Variants in ERBB3 observed in about 807,000 individuals in gnomAD.
The protein encoded by ERBB3 is receptor tyrosine-protein kinase erbB-3.
Under a neutral mutation model 156.7 loss-of-function variants are expected in ERBB3, and 96 were observed. The observed-to-expected ratio is 0.61, with a 90% confidence interval of 0.52 to 0.73. The LOEUF (loss-of-function observed/expected upper bound fraction) is 0.73, where lower values mean the gene tolerates loss of function less well. Ranked by LOEUF, ERBB3 falls within the 30% of genes least tolerant of loss-of-function variation. The pLI is 0.00. For missense variants in ERBB3, 1,406 were observed against 1,709.4 expected, an observed-to-expected ratio of 0.82 and a Z score of 3.13; for synonymous variants, 567 against 632.0, an observed-to-expected ratio of 0.90 and a Z score of 1.54.
rs1253475806 is a variant in ERBB3, at chr12:56,101,081, CA to C, written c.3223del (p.Ser1075ValfsTer27). 1.9e-6 allele frequency: 3 copies of C among 1,613,708 alleles called. No individual in the cohort carries two copies. The African/African-American group carries it at 4.0e-5, about 22-fold the overall frequency. On this transcript the variant is annotated frameshift_variant, in exon 27 of 28. Coordinates refer to ENST00000267101, the MANE Select transcript of ERBB3 (RefSeq NM_001982.4). LOFTEE classifies it high-confidence loss of function. Reference protein sequence around the residue: ...SCQESAVSGSSERCPRPVSLH... With the variant: ...SCQESAVSGSXERCPRPVSLH... ...CTTAGGAGTCTGCAGTTTCTGGGAG[CA>C]GTGAACGGTGCCCCCGTCCAGTCTC... is the stretch of plus-strand genomic sequence containing the variant.
At chr12:56,099,034 C>A in intron 23 of ERBB3, 129 bp downstream of exon 23, 1 of 844,290 alleles carries the variant, frequency 1.2e-6, no homozygotes, top group Non-Finnish European at 1.8e-6. Flanking sequence ...TCTTGGCTCA[C>A]TACAACCTCC....
At chr12:56,100,266 G>A (rs1436151385) in intron 26 of ERBB3, 21 bp downstream of exon 26, 1 of 1,593,692 alleles carries the variant, frequency 6.3e-7, no homozygotes. Flanking sequence ...TTGCTGAGAG[G>A]CTGGGTTTTA....
At chr12:56,096,187 A>G in intron 17 of ERBB3, 1 of 518,324 alleles carries the variant, frequency 1.9e-6, no homozygotes, top group Non-Finnish European at 3.5e-6. Context: ...TTTGGAAAGC[A>G]CAGAGCACTG....
chr12:56,094,156 A>G lies in ERBB3; in HGVS notation c.1671A>G (p.Gln557=), dbSNP rs1868815904. The change falls in exon 14 of 28, where the codon CAA becomes CAG. Residue 557 remains glutamine (Q), a synonymous_variant. Transcript: ENST00000267101. The stretch of plus-strand genomic sequence containing the variant: ...GCTTCTCCTGCCACCCGGAATGCCA[A>G]CCCATGGAGGGCACTGCCACATGCA... ...AECFSCHPEC[Q]PMEGTATCNG... is the part of the protein sequence containing the mutation. 1 of 1,614,040 alleles carries G rather than the reference A, an allele frequency of 6.2e-7. No homozygotes were observed. The highest frequency in any genetic ancestry group is 8.5e-7 in the Non-Finnish European group (1 of 1,179,980).
At chr12:56,098,471 C>T in intron 21 of ERBB3, 29 bp from the exon 22 acceptor site, 1 of 1,449,972 alleles carries the variant, frequency 6.9e-7, no homozygotes, top group East Asian at 2.3e-5. Flanking sequence ...TGGAAATAAA[C>T]TTGTGATACC....
Position 56,093,331 on chromosome 12 carries a change from C to G in ERBB3, c.1275-14C>G. On this transcript the variant is annotated splice_polypyrimidine_tract_variant and intron_variant, in intron 11 of 27. Coordinates refer to ENST00000267101, the MANE Select transcript of ERBB3 (RefSeq NM_001982.4). ...TTAGTAGTCTCTCCTCTCATCCTGTCTCCTTATTCTCAGCCGGGGCTTCTC... is the reference window on the plus strand; with the variant it reads ...TTAGTAGTCTCTCCTCTCATCCTGTGTCCTTATTCTCAGCCGGGGCTTCTC... The G allele has an allele frequency of 6.2e-7, 1 of 1,607,838 alleles. No individual in the cohort carries two copies. Among genetic ancestry groups the G allele is most frequent in the Non-Finnish European group, 8.5e-7 (1 of 1,174,552 alleles).
At chr12:56,093,295 T>C in intron 11 of ERBB3, 50 bp from the exon 12 acceptor site, 1 of 1,512,872 alleles carries the variant, frequency 6.6e-7, no homozygotes, top group Non-Finnish European at 9.2e-7. Context: ...CTTTGAATAG[T>C]TAATGTTCCC....
At chr12:56,087,353 C>T (rs1868519460) in intron 4 of ERBB3, among the ~76,000 whole-genome samples, 1 of 152,130 alleles carries the variant, frequency 6.6e-6, no homozygotes, top group South Asian at 2.1e-4. Flanking sequence ...TTGCCCCAGT[C>T]CCTCCCCTTC....
rs1159416296 is a variant in ERBB3, at chr12:56,099,911, A to C, written c.3011A>C (p.Glu1004Ala). ...ACAAACAAGAAGCTAGAGGAAGTAG[A>C]GCTGGAGCCAGAACTAGACCTAGAC... ...GLTNKKLEEV[E>A]LEPELDLDLD... The change falls in exon 25 of 28, where the codon GAG (glutamate) becomes GCG (alanine). Residue 1004 changes from glutamate (E) to alanine (A), a missense_variant. Around this residue, in one of 3 missense-constraint regions of ERBB3, gnomAD observed 415 missense variants for 454.1 expected, o/e 0.91. Coordinates refer to ENST00000267101, the MANE Select transcript of ERBB3 (RefSeq NM_001982.4). 6.2e-7 allele frequency: 1 copy of C among 1,614,246 alleles called. No individual in the cohort carries two copies. Among genetic ancestry groups the C allele is most frequent in the South Asian group, 1.1e-5 (1 of 91,090 alleles).
Position 56,087,917 on chromosome 12 carries a change from T to G in ERBB3, c.732+4T>G. On this transcript the variant is annotated splice_donor_region_variant and intron_variant, in intron 6 of 27. Coordinates refer to ENST00000267101, the MANE Select transcript of ERBB3 (RefSeq NM_001982.4). ...CCCTCAGGACACAGACTGCTTTGTA[T>G]GTACCCTTTCCATTGCCTGGGTTCT... The G allele has an allele frequency of 6.2e-7, 1 of 1,613,948 alleles. No individual in the cohort carries two copies. The highest frequency in any genetic ancestry group is 1.1e-5 in the South Asian group (1 of 91,076).
intron 3 of ERBB3, chr12:56,085,765 A>T (rs1209309275): frequency 3.6e-5 from 1 of 27,440 alleles, no homozygotes; most frequent in African/African-American, 6.9e-5. Context: ...CCGTCTCAAA[A>T]AAAAAAAAAA....
At chr12:56,101,440 A>G in intron 27 of ERBB3, 79 bp downstream of exon 27, 1 of 1,592,488 alleles carries the variant, frequency 6.3e-7, no homozygotes, top group South Asian at 1.1e-5. Flanking sequence ...TTCTCTGATC[A>G]TATGCCTCTC....
intron 20 of ERBB3, 118 bp from the exon 21 acceptor site, chr12:56,097,667 G>C: frequency 9.2e-7 from 1 of 1,083,714 alleles, no homozygotes. Flanking sequence ...ACCAGTCCCT[G>C]GTGCCAAAAA....
In ERBB3 at chr12:56,088,830, C is replaced by T. The variant is rs140648008; in HGVS notation, c.1071C>T (p.Ile357=). ...NIDGFVNCTK[I]LGNLDFLITG... ...ATGGATTTGTGAACTGCACCAAGAT[C>T]CTGGGCAACCTGGACTTTCTGATCA... The change falls in exon 9 of 28, where the codon ATC becomes ATT. Residue 357 remains isoleucine, a synonymous_variant. Coordinates refer to ENST00000267101, the MANE Select transcript of ERBB3 (RefSeq NM_001982.4). 6.1e-4 allele frequency: 979 copies of T among 1,614,156 alleles called. No homozygotes were observed. The highest frequency in any genetic ancestry group is 1.5e-3 in the Middle Eastern group (9 of 6,062).
In ERBB3 at chr12:56,088,169, G is replaced by A. The variant is rs1309776563; in HGVS notation, c.874+7G>A. On this transcript the variant is annotated splice_region_variant and intron_variant, in intron 7 of 27. Transcript: ENST00000267101. ...TGTGTAGCCAGCTGTCCCCGTAAGTGTCTGAGGGGAAGGAACAATGATCAA... is the reference window on the plus strand; with the variant it reads ...TGTGTAGCCAGCTGTCCCCGTAAGTATCTGAGGGGAAGGAACAATGATCAA... 6.2e-7 allele frequency: 1 copy of A among 1,613,764 alleles called. No individual in the cohort carries two copies. Among genetic ancestry groups the A allele is most frequent in the African/African-American group, 1.3e-5 (1 of 74,924 alleles).
At chr12:56,091,267 TA>T (rs1868674654) in intron 9 of ERBB3, among the ~76,000 whole-genome samples, 1 of 11,760 alleles carries the variant, frequency 8.5e-5, no homozygotes, top group Non-Finnish European at 1.3e-4. Context: ...TGGCTAATTT[TA>T]TATATATATA....
In ERBB3 at chr12:56,093,909, G is replaced by C. The variant is rs1868803187; in HGVS notation, c.1613+13G>C. The C allele has an allele frequency of 1.9e-6, 3 of 1,613,684 alleles. No individual in the cohort carries two copies. Among genetic ancestry groups the C allele is most frequent in the African/African-American group, 2.7e-5 (2 of 74,894 alleles). On this transcript the variant is annotated intron_variant, in intron 13 of 27. Transcript: ENST00000267101. ...ACTTTCTGAATGGGTACAGTAAGGG[G>C]AGCCAGTCAAGGATGGGTGGGGGTG...
intron 1 of ERBB3, chr12:56,083,543 G>C: frequency 1.6e-6 from 1 of 611,630 alleles, no homozygotes; most frequent in Non-Finnish European, 2.9e-6. Flanking sequence ...TCCCATTCAT[G>C]GAATGGTAAG....
intron 9 of ERBB3, among the ~76,000 whole-genome samples, chr12:56,090,810 C>T (rs1415039186): frequency 6.6e-6 from 1 of 152,052 alleles, no homozygotes; most frequent in Non-Finnish European, 1.5e-5. Context: ...GCGTATATTC[C>T]TTAAAAATAA....
Sources: allele counts gnomAD v4.1 joint callset (sites outside exome capture counted in the v4.1 genomes callset), GRCh38; gene constraint gnomAD v4.1.1; regional missense constraint gnomAD v4.1.1; transcripts MANE v1.5; gene names NCBI Gene and HGNC (gene_info 2026-07-23, HGNC 2026-07-21).